The following TCERG1L variants were observed in gnomAD, a reference collection of about 807,000 sequenced individuals.
TCERG1L encodes transcription elongation regulator 1-like protein.
In TCERG1L, 37 loss-of-function variants were observed where a neutral mutation model predicts 56.3. The ratio of observed to expected loss-of-function variants is 0.66; its 90% confidence interval spans 0.51 to 0.87. The LOEUF (loss-of-function observed/expected upper bound fraction) is 0.87, where lower values mean the gene tolerates loss of function less well. Among genes scored for constraint, TCERG1L ranks in the 40% least tolerant of loss-of-function variants. TCERG1L has a pLI of 0.00. For synonymous variants in TCERG1L, 324 were observed against 326.3 expected (o/e 0.99, Z 0.08); for missense variants, 799 against 774.2 (o/e 1.03, Z -0.38).
intron 1 of TCERG1L, among the ~76,000 whole-genome samples, chr10:131,309,814 A>G (rs572221393): frequency 8.7e-5 from 13 of 148,936 alleles, no homozygotes; most frequent in African/African-American, 3.2e-4. Flanking sequence ...AAGGTTCACC[A>G]ATACAAATAG....
At chr10:131,195,596 G>T (rs1845351924) in intron 4 of TCERG1L, among the ~76,000 whole-genome samples, 1 of 152,100 alleles carries the variant, frequency 6.6e-6, no homozygotes. Flanking sequence ...AGGATGGGAG[G>T]CCTCTTTCTC....
chr10:131,129,192 A>G (rs1344302102), intron 8 of TCERG1L, among the ~76,000 whole-genome samples: 1 of 149,468 alleles, frequency 6.7e-6, no homozygotes, highest in African/African-American at 2.5e-5. Flanking sequence ...CTGATATGAA[A>G]GCAAACCTCT....
At chr10:131,110,019 C>T (rs10829903) in intron 9 of TCERG1L, among the ~76,000 whole-genome samples, 6,564 of 152,232 alleles carry the variant, frequency 0.043, 180 homozygotes, top group Non-Finnish European at 0.067. Context: ...GACTGCAGGT[C>T]GCGTGTGGCA....
intron 3 of TCERG1L, among the ~76,000 whole-genome samples, chr10:131,263,817 G>A (rs373058157): frequency 3.3e-5 from 5 of 152,308 alleles, no homozygotes; most frequent in African/African-American, 1.2e-4. Context: ...TCTCCCCTTA[G>A]GATCTCTGTT....
At chr10:131,157,649 T>C (rs1458101261) in intron 6 of TCERG1L, among the ~76,000 whole-genome samples, 1 of 152,192 alleles carries the variant, frequency 6.6e-6, no homozygotes, top group Non-Finnish European at 1.5e-5. Flanking sequence ...AATGCTATTC[T>C]ACTGTTAACA....
chr10:131,119,871 CA>C (rs981246465), intron 8 of TCERG1L, among the ~76,000 whole-genome samples: 45 of 152,198 alleles, frequency 3.0e-4, no homozygotes, highest in African/African-American at 1.1e-3. Flanking sequence ...CTTACTGCAT[CA>C]CAGAAGCCTC....
chr10:131,230,336 C>T (rs1241478042), intron 4 of TCERG1L, among the ~76,000 whole-genome samples: 1 of 152,344 alleles, frequency 6.6e-6, no homozygotes, highest in Non-Finnish European at 1.5e-5. Flanking sequence ...TCACTGCGTG[C>T]CTGTGACCCA....
At chr10:131,196,366 C>T (rs1477966431) in intron 4 of TCERG1L, among the ~76,000 whole-genome samples, 2 of 152,144 alleles carry the variant, frequency 1.3e-5, no homozygotes, top group Non-Finnish European at 2.9e-5. Flanking sequence ...TGTGCATTTG[C>T]AGGGAAGGTG....
intron 4 of TCERG1L, among the ~76,000 whole-genome samples, chr10:131,187,799 C>T (rs1203117914): frequency 2.0e-5 from 3 of 152,142 alleles, no homozygotes; most frequent in African/African-American, 7.2e-5. Flanking sequence ...GGCACCTACT[C>T]GGCACTCCAT....
intron 5 of TCERG1L, 126 bp from the exon 6 acceptor site, chr10:131,163,336 G>C: frequency 1.4e-6 from 1 of 726,054 alleles, no homozygotes; most frequent in Non-Finnish European, 2.2e-6. Context: ...ACGAGATAAT[G>C]ACCTCAGCAC....
In TCERG1L at chr10:131,198,756, G is replaced by A. The variant is rs567447788; in HGVS notation, c.857-31871C>T. Among the ~76,000 whole-genome samples the A allele has an allele frequency of 9.0e-5, 13 of 143,736 alleles. No individual in the cohort carries two copies. In the East Asian group the frequency reaches 2.5e-3, roughly 28 times the overall value. 94.3% of individuals were successfully genotyped at this position (143,736 alleles called of 152,430 possible). A position where few individuals can be genotyped will look rare whatever the true frequency, so the allele number is the denominator to read the frequency against. Reference sequence around the variant, plus strand: ...TATCCACTAGGCATTACTCTAGCAAGGGCTGTCTGTGAAGACACCACCCCT... The same window carrying A: ...TATCCACTAGGCATTACTCTAGCAAAGGCTGTCTGTGAAGACACCACCCCT... On this transcript the variant is annotated intron_variant, in intron 4 of 11. Coordinates refer to ENST00000368642, the MANE Select transcript of TCERG1L (RefSeq NM_174937.4).
intron 3 of TCERG1L, among the ~76,000 whole-genome samples, chr10:131,285,679 G>A (rs889978024): frequency 2.0e-5 from 3 of 151,998 alleles, no homozygotes; most frequent in Admixed American, 6.6e-5. Flanking sequence ...ATATGAAAAG[G>A]GCAATTCAAC....
intron 8 of TCERG1L, among the ~76,000 whole-genome samples, chr10:131,132,067 A>G (rs1286257655): frequency 2.6e-5 from 4 of 152,220 alleles, no homozygotes; most frequent in Non-Finnish European, 5.9e-5. Context: ...CGCTCTGAGC[A>G]GGAGGCGTGC....
intron 3 of TCERG1L, among the ~76,000 whole-genome samples, chr10:131,304,167 T>C (rs1029606130): frequency 6.6e-6 from 1 of 152,028 alleles, no homozygotes; most frequent in Non-Finnish European, 1.5e-5. Context: ...CAACGGGACA[T>C]GGACAACTTT....
chr10:131,255,239 C>T (rs1416332375), intron 4 of TCERG1L, among the ~76,000 whole-genome samples: 2 of 152,108 alleles, frequency 1.3e-5, no homozygotes, highest in Admixed American at 1.3e-4. Context: ...AAATGCTGCA[C>T]AAAAGTGAAC....
At position 131,098,292 on chromosome 10, in the gene TCERG1L, T is replaced by G; in HGVS notation, c.1604+14A>C. ...CAGCCCCAGAAATCATCCGGTATAT[T>G]TCTCTCTCCATACCTGGGAGACACT... On this transcript the variant is annotated intron_variant, in intron 11 of 11. Transcript: ENST00000368642. 1.3e-6 allele frequency: 2 copies of G among 1,549,130 alleles called. No homozygotes were observed. Among genetic ancestry groups the G allele is most frequent in the South Asian group, 2.4e-5 (2 of 83,266 alleles).
In TCERG1L at chr10:131,093,202, C is replaced by G; in HGVS notation, c.1721G>C (p.Arg574Pro). 1 of 1,613,868 alleles carries G rather than the reference C, an allele frequency of 6.2e-7. No homozygotes were observed. The highest frequency in any genetic ancestry group is 8.5e-7 in the Non-Finnish European group (1 of 1,179,860). The change falls in exon 12 of 12, where the codon CGG (arginine) becomes CCG (proline). Residue 574 changes from arginine (R) to proline (P), a missense_variant. Arg to Pro is a moderately radical substitution (Grantham distance 103). Transcript: ENST00000368642. ...FNQFILILKK[R>P]DKENRLRLRK... ...CAGCCTTAGTCTGTTTTCCTTGTCC[C>G]GTTTCTTAAGAATAAGTATGAATTG...
At chr10:131,248,248 A>G (rs1846063142) in intron 4 of TCERG1L, among the ~76,000 whole-genome samples, 1 of 143,320 alleles carries the variant, frequency 7.0e-6, no homozygotes, top group Non-Finnish European at 1.5e-5. Flanking sequence ...CGACTCACAC[A>G]CACTGATAAA....
At chr10:131,150,095 C>G (rs926770380) in intron 6 of TCERG1L, among the ~76,000 whole-genome samples, 31 of 149,458 alleles carry the variant, frequency 2.1e-4, no homozygotes, top group African/African-American at 8.0e-4. Flanking sequence ...TCTCTAGCAA[C>G]TTAAGACTTA....
Sources: gnomAD v4.1 joint callset for allele counts (sites outside exome capture counted in the v4.1 genomes callset) on GRCh38, gnomAD v4.1.1 for gene constraint, MANE v1.5 for transcripts, NCBI Gene and HGNC (gene_info 2026-07-23, HGNC 2026-07-21) for gene names.